Variants in PM20D1 observed in about 807,000 individuals in gnomAD.
PM20D1 encodes peptidase M20 domain containing 1, also known as N-fatty-acyl-amino acid synthase/hydrolase PM20D1.
In PM20D1, 53 loss-of-function variants were observed where a neutral mutation model predicts 53.8. That is an observed-to-expected ratio of 0.98 (90% confidence interval 0.79 to 1.24). The LOEUF is 1.24. PM20D1 is among the 50% of genes most tolerant of loss of function. PM20D1 has a pLI of 0.00. For synonymous variants in PM20D1, 239 were observed against 241.3 expected (o/e 0.99, Z 0.09); for missense variants, 564 against 616.8 (o/e 0.91, Z 0.91).
rs1656772596 is a variant in PM20D1 at position 205,840,106 on chromosome 1, T to C, written c.1116+146A>G. On this transcript the variant is annotated intron_variant, in intron 10 of 12. Coordinates refer to ENST00000367136, the MANE Select transcript of PM20D1 (RefSeq NM_152491.5). ...CCCAGGATCTCCAATCCTAATGAAG[T>C]ATCCGGTGCATAGGTTGTCTTTGAA... The C allele has an allele frequency of 7.2e-6, 4 of 555,660 alleles. No homozygotes were observed. In the South Asian group the frequency reaches 1.7e-4, roughly 23 times the overall value. 34.4% of individuals were successfully genotyped at this position (555,660 alleles called of 1,614,324 possible). A position where few individuals can be genotyped will look rare whatever the true frequency, so the allele number is the denominator to read the frequency against.
At chr1:205,845,745 C>G (rs1158828106) in intron 2 of PM20D1, among the ~76,000 whole-genome samples, 188 bp from the exon 3 acceptor site, 1 of 152,156 alleles carries the variant, frequency 6.6e-6, no homozygotes, top group Non-Finnish European at 1.5e-5. Context: ...TTCGTCTTCC[C>G]CATATTTCAA....
intron 5 of PM20D1, 89 bp from the exon 6 acceptor site, chr1:205,843,875 A>G (rs1382763019): frequency 6.5e-7 from 1 of 1,533,752 alleles, no homozygotes; most frequent in African/African-American, 1.4e-5. Flanking sequence ...GCAATAGTCT[A>G]GTGGGCAAGG....
intron 11 of PM20D1, among the ~76,000 whole-genome samples, chr1:205,830,636 G>C (rs1402662778): frequency 6.6e-6 from 1 of 151,562 alleles, no homozygotes; most frequent in African/African-American, 2.4e-5. Flanking sequence ...CCTTGGAAGT[G>C]TCCTCTCCCC....
At position 205,840,283 on chromosome 1, in the gene PM20D1, A is replaced by C; in HGVS notation, c.1085T>G (p.Phe362Cys). The C allele has an allele frequency of 6.2e-7, 1 of 1,614,040 alleles. No homozygotes were observed. The highest frequency in any genetic ancestry group is 8.5e-7 in the Non-Finnish European group (1 of 1,179,972). ...IPPVAQATVN[F>C]RIHPGQTVQE... ...GACTGTCTGTCCAGGGTGAATCCGGAAGTTGACTGTGGCCTGGGCCACTGG... is the reference window on the plus strand; with the variant it reads ...GACTGTCTGTCCAGGGTGAATCCGGCAGTTGACTGTGGCCTGGGCCACTGG... The change falls in exon 10 of 13, where the codon TTC (phenylalanine) becomes TGC (cysteine). Residue 362 changes from phenylalanine to cysteine, a missense_variant. By Grantham distance (205) the Phe-to-Cys change is radical (BLOSUM62 -2). Transcript: ENST00000367136.
At chr1:205,841,536 G>A (rs1656807970) in intron 9 of PM20D1, among the ~76,000 whole-genome samples, 1 of 152,146 alleles carries the variant, frequency 6.6e-6, no homozygotes, top group African/African-American at 2.4e-5. Flanking sequence ...TAATTCAGAG[G>A]CATCATTCAC....
At position 205,841,804 on chromosome 1, in the gene PM20D1, A is replaced by G. The variant is rs1040701410; in HGVS notation, c.1044+7T>C. The G allele has an allele frequency of 1.3e-6, 2 of 1,560,902 alleles. No homozygotes were observed. Among genetic ancestry groups the G allele is most frequent in the Non-Finnish European group, 1.7e-6 (2 of 1,150,108 alleles). Reference sequence around the variant, plus strand: ...AAAGCTATATGGGGAGGAACCAGGGATGTTACCTTGACCCCTGCTTTGAAT... The same window carrying G: ...AAAGCTATATGGGGAGGAACCAGGGGTGTTACCTTGACCCCTGCTTTGAAT... On this transcript the variant is annotated splice_region_variant and intron_variant, in intron 9 of 12. Transcript: ENST00000367136.
At chr1:205,844,549 T>C (rs4369285) in intron 4 of PM20D1, among the ~76,000 whole-genome samples, 135,717 of 152,194 alleles carry the variant, frequency 0.89, 60,909 homozygotes, top group Non-Finnish European at 0.95. Flanking sequence ...GTATGTTTCT[T>C]AGGGTATAGG....
At chr1:205,837,638 G>A (rs191702696) in intron 10 of PM20D1, among the ~76,000 whole-genome samples, 6 of 152,262 alleles carry the variant, frequency 3.9e-5, no homozygotes, top group African/African-American at 7.2e-5. Context: ...GGACAAATGC[G>A]CCCACAAGCT....
intron 5 of PM20D1, 51 bp downstream of exon 5, chr1:205,844,036 C>T: frequency 6.4e-7 from 1 of 1,571,024 alleles, no homozygotes; most frequent in Non-Finnish European, 8.6e-7. Context: ...GGGGTCATCT[C>T]AAATGGGGTG....
chr1:205,841,979 G>A, intron 8 of PM20D1, 90 bp from the exon 9 acceptor site: 1 of 1,305,236 alleles, frequency 7.7e-7, no homozygotes, highest in Non-Finnish European at 1.1e-6. Flanking sequence ...TGAACCTTGG[G>A]GATCTTTAAG....
rs1445625685 is a variant in PM20D1, at chr1:205,832,727, C to G, written c.1156G>C (p.Val386Leu). 2 of 1,611,944 alleles carry G rather than the reference C, an allele frequency of 1.2e-6. No individual in the cohort carries two copies. The highest frequency in any genetic ancestry group is 2.2e-5 in the East Asian group (1 of 44,816). ...AAGGCACTCAACACATGGAACTGGACTCTGTTATCAGCCACAATGTTCTTC... is the reference window on the plus strand; with the variant it reads ...AAGGCACTCAACACATGGAACTGGAGTCTGTTATCAGCCACAATGTTCTTC... ...LTKNIVADNR[V>L]QFHVLSAFDP... Residue 386 changes from valine to leucine, a missense_variant, in exon 11 of 13, where the codon GTC (valine) becomes CTC (leucine). Physicochemically the swap from Val to Leu is conservative, Grantham distance 32. Transcript: ENST00000367136.
At chr1:205,834,357 T>C (rs1323080789) in intron 10 of PM20D1, among the ~76,000 whole-genome samples, 1 of 152,172 alleles carries the variant, frequency 6.6e-6, no homozygotes, top group Non-Finnish European at 1.5e-5. Flanking sequence ...GGTTTTGCCA[T>C]GTTGGCTAGG....
rs764752039 is a variant in PM20D1, at chr1:205,849,998, C to T, written c.75G>A (p.Ser25=). ...GATGCTCCCCGCTCCTCGGGCCCAT[C>T]GATCTGGAGACGGTAGGGAAAACTA... ...LLLVFPTVSR[S]MGPRSGEHQR... is the part of the protein sequence containing the mutation. The change falls in exon 1 of 13, where the codon TCG becomes TCA. Residue 25 remains serine (S), a synonymous_variant. Coordinates refer to ENST00000367136, the MANE Select transcript of PM20D1 (RefSeq NM_152491.5). 1.2e-6 allele frequency: 2 copies of T among 1,614,018 alleles called. No homozygotes were observed. Among genetic ancestry groups the T allele is most frequent in the African/African-American group, 1.3e-5 (1 of 74,922 alleles).
intron 11 of PM20D1, 127 bp downstream of exon 11, chr1:205,832,471 C>T (rs1219218726): frequency 2.0e-6 from 2 of 988,074 alleles, no homozygotes; most frequent in Non-Finnish European, 3.0e-6. Context: ...GTTCTAGTCT[C>T]ATCAGGAGGG....
intron 7 of PM20D1, 102 bp downstream of exon 7, chr1:205,842,574 A>G (rs1571676667): frequency 7.1e-6 from 8 of 1,132,228 alleles, no homozygotes. Flanking sequence ...GAATAGGCAG[A>G]GTGCTGGACA....
intron 10 of PM20D1, among the ~76,000 whole-genome samples, chr1:205,838,350 C>A (rs1448129525): frequency 6.6e-6 from 1 of 152,178 alleles, no homozygotes; most frequent in African/African-American, 2.4e-5. Flanking sequence ...GTCAGACATT[C>A]TGTGTAACTT....
At position 205,844,806 on chromosome 1, in the gene PM20D1, T is replaced by C. The variant is rs774902094; in HGVS notation, c.576+5A>G. ...AGAGATAGGTATAAGGTGAGGAGGC[T>C]CTACCTCCTCATCATGGCCCAGAGA... On this transcript the variant is annotated splice_donor_5th_base_variant and intron_variant, in intron 4 of 12. Transcript: ENST00000367136. 1.2e-5 allele frequency: 20 copies of C among 1,608,950 alleles called. No homozygotes were observed. Among genetic ancestry groups the C allele is most frequent in the Non-Finnish European group, 1.4e-5 (16 of 1,175,652 alleles).
intron 6 of PM20D1, 59 bp from the exon 7 acceptor site, chr1:205,842,810 G>T (rs1571677015): frequency 2.0e-6 from 3 of 1,503,968 alleles, no homozygotes; most frequent in Non-Finnish European, 1.8e-6. Flanking sequence ...TCAGTGGCTT[G>T]AAGAGGAGAA....
chr1:205,841,416 A>G (rs1656804191), intron 9 of PM20D1, among the ~76,000 whole-genome samples: 3 of 152,162 alleles, frequency 2.0e-5, no homozygotes, highest in Non-Finnish European at 2.9e-5. Context: ...TGGAGTAACA[A>G]AGTATCCTGG....
Sources: allele counts gnomAD v4.1 joint callset (sites outside exome capture counted in the v4.1 genomes callset), GRCh38; gene constraint gnomAD v4.1.1; transcripts MANE v1.5; gene names NCBI Gene and HGNC (gene_info 2026-07-23, HGNC 2026-07-21).